SGK1: variants seen among roughly 807,000 people sequenced by gnomAD.
The protein encoded by SGK1 is serine/threonine-protein kinase Sgk1.
Under a neutral mutation model 64.2 loss-of-function variants are expected in SGK1, and 26 were observed. The ratio of observed to expected loss-of-function variants is 0.40; its 90% CI spans 0.30 to 0.56. The LOEUF (loss-of-function observed/expected upper bound fraction) is 0.56. SGK1 is among the 20% of genes least tolerant of loss of function. SGK1 has a pLI of 0.38. For missense variants in SGK1, 519 were observed against 645.6 expected, an observed-to-expected ratio of 0.80 and a Z score of 2.12; for synonymous variants, 265 against 239.7, an observed-to-expected ratio of 1.11 and a Z score of -0.98.
intron 2 of SGK1, among the ~76,000 whole-genome samples, chr6:134,235,016 A>C (rs1562260478): frequency 6.6e-6 from 1 of 152,250 alleles, no homozygotes; most frequent in Non-Finnish European, 1.5e-5. Context: ...ATTTTCTTGA[A>C]GAGAAGACCA....
chr6:134,171,839 G>T, intron 10 of SGK1, 107 bp from the exon 11 acceptor site: 1 of 725,952 alleles, frequency 1.4e-6, no homozygotes, highest in East Asian at 2.7e-5. Flanking sequence ...CAGCTTGGAA[G>T]ATAGATATCT....
intron 1 of SGK1, among the ~76,000 whole-genome samples, chr6:134,272,141 C>CTTTTT (rs369377380): frequency 1.5e-5 from 2 of 129,458 alleles, no homozygotes; most frequent in Non-Finnish European, 3.3e-5. Context: ...CGTGCCCAGC[C>CTTTTT]TTTTTTTTTT....
chr6:134,186,295 C>T (rs1187223853), intron 3 of SGK1, among the ~76,000 whole-genome samples: 1 of 152,112 alleles, frequency 6.6e-6, no homozygotes, highest in East Asian at 1.9e-4. Context: ...AGGTAAAGTC[C>T]TTGGGTGATG....
chr6:134,210,721 G>A (rs1171088805), intron 2 of SGK1, among the ~76,000 whole-genome samples: 1 of 151,086 alleles, frequency 6.6e-6, no homozygotes, highest in Non-Finnish European at 1.5e-5. Context: ...CTACTCGGGA[G>A]GCTGAGGCAA....
In SGK1 at chr6:134,191,835, ATT is replaced by A. The variant is rs71003671; in HGVS notation, c.361+15519_361+15520del. On this transcript the variant is annotated intron_variant, in intron 3 of 13. Coordinates refer to ENST00000367858, the MANE Select transcript of SGK1 (RefSeq NM_001143676.3). ...AGGCATGCGCCACCACGCCCGGCTG[ATT>A]TTTTTTTTTTTTTTTTGAGACAGAG... Among the ~76,000 whole-genome samples, 21 of 61,200 alleles carry A rather than the reference ATT, an allele frequency of 3.4e-4. 1 individual carries two copies. The East Asian group carries it at 7.8e-3, about 23-fold the overall frequency. 40.1% of individuals were successfully genotyped at this position (61,200 alleles called of 152,430 possible).
At chr6:134,208,875 T>TATAC (rs1775838028) in intron 2 of SGK1, among the ~76,000 whole-genome samples, 3 of 108,650 alleles carry the variant, frequency 2.8e-5, no homozygotes, top group African/African-American at 9.1e-5. Flanking sequence ...TATATATGCA[T>TATAC]ATACATACAT....
intron 3 of SGK1, among the ~76,000 whole-genome samples, chr6:134,194,702 T>G (rs1039761089): frequency 6.6e-6 from 1 of 152,026 alleles, no homozygotes; most frequent in Non-Finnish European, 1.5e-5. Context: ...TTATACTTTT[T>G]GGTAGAGACG....
chr6:134,305,084 G>T (rs1232334928), intron 1 of SGK1, among the ~76,000 whole-genome samples: 1 of 152,124 alleles, frequency 6.6e-6, no homozygotes, highest in African/African-American at 2.4e-5. Context: ...AACCAGGCAC[G>T]GTTGCTCACA....
At chr6:134,218,981 T>G (rs533692001) in intron 2 of SGK1, among the ~76,000 whole-genome samples, 1 of 151,702 alleles carries the variant, frequency 6.6e-6, no homozygotes, top group East Asian at 2.0e-4. Context: ...GGCTGTTTTT[T>G]TGTTTTTGTT....
intron 1 of SGK1, chr6:134,297,978 T>A: frequency 1.2e-6 from 1 of 817,418 alleles, no homozygotes. Context: ...GCGGCTGTTG[T>A]CCATGGACAG....
At chr6:134,306,348 G>A (rs1465683532) in intron 1 of SGK1, among the ~76,000 whole-genome samples, 1 of 151,852 alleles carries the variant, frequency 6.6e-6, no homozygotes, top group Non-Finnish European at 1.5e-5. Flanking sequence ...GCTTGAACCC[G>A]GGAGGCGGAG....
intron 6 of SGK1, 52 bp from the exon 7 acceptor site, chr6:134,173,409 A>G (rs1350953881): frequency 6.3e-7 from 1 of 1,582,206 alleles, no homozygotes; most frequent in Non-Finnish European, 8.7e-7. Flanking sequence ...CAGGGAGAAT[A>G]CAAAAGAGGA....
intron 3 of SGK1, among the ~76,000 whole-genome samples, chr6:134,192,673 G>A (rs544020037): frequency 1.6e-3 from 233 of 150,020 alleles, no homozygotes; most frequent in African/African-American, 5.6e-3. Flanking sequence ...GGGTTCAAGC[G>A]ATTCCCCCAC....
At position 134,269,701 on chromosome 6, in the gene SGK1, C is replaced by T. The variant is rs563549943; in HGVS notation, c.70-7553G>A. 2.0e-5 allele frequency among the ~76,000 whole-genome samples: 3 copies of T among 147,186 alleles called. 1 individual carries two copies. The highest frequency in any genetic ancestry group is 4.9e-4 in the East Asian group (2 of 4,062). On this transcript the variant is annotated intron_variant, in intron 1 of 13. Transcript: ENST00000367858. Reference sequence around the variant, plus strand: ...AGAGAGAAAGTAAGAGACCTGCATGCCTATGCCTCTCCCAGAGGGTGCATG... The same window carrying T: ...AGAGAGAAAGTAAGAGACCTGCATGTCTATGCCTCTCCCAGAGGGTGCATG...
intron 2 of SGK1, among the ~76,000 whole-genome samples, chr6:134,214,258 G>C (rs1408994132): frequency 1.3e-5 from 2 of 151,302 alleles, no homozygotes; most frequent in Non-Finnish European, 2.9e-5. Flanking sequence ...ACTTTTTTTT[G>C]CCTAACCACC....
In SGK1 at chr6:134,173,629, T is replaced by C. The variant is rs551750633; in HGVS notation, c.514-63A>G. 22 of 1,125,104 alleles carry C rather than the reference T, an allele frequency of 2.0e-5. No homozygotes were observed. The East Asian group carries it at 5.0e-4, about 26-fold the overall frequency. 69.7% of individuals were successfully genotyped at this position (1,125,104 alleles called of 1,614,324 possible). ...GCTTCAAAGGAAGACATCTATAACATAAACGATGTAGAAAATGTTACATCT... is the reference window on the plus strand; with the variant it reads ...GCTTCAAAGGAAGACATCTATAACACAAACGATGTAGAAAATGTTACATCT... On this transcript the variant is annotated intron_variant, in intron 5 of 13. Transcript: ENST00000367858.
At chr6:134,273,579 C>T (rs7773813) in intron 1 of SGK1, among the ~76,000 whole-genome samples, 2 of 82,178 alleles carry the variant, frequency 2.4e-5, no homozygotes, top group Non-Finnish European at 4.2e-5. Context: ...GGCGACAGAG[C>T]GAGACTCCGT....
chr6:134,210,519 T>C (rs969376812), intron 2 of SGK1, among the ~76,000 whole-genome samples: 1 of 152,062 alleles, frequency 6.6e-6, no homozygotes, highest in Non-Finnish European at 1.5e-5. Flanking sequence ...AACATTACTA[T>C]ATTGTGCACT....
chr6:134,298,616 A>C, intron 1 of SGK1: 1 of 1,197,114 alleles, frequency 8.4e-7, no homozygotes, highest in Non-Finnish European at 1.2e-6. Flanking sequence ...TACTGGGCCC[A>C]CTCGTGTAGG....
Sources: gnomAD v4.1 joint callset for allele counts (sites outside exome capture counted in the v4.1 genomes callset) on GRCh38, gnomAD v4.1.1 for gene constraint, MANE v1.5 for transcripts, NCBI Gene and HGNC (gene_info 2026-07-23, HGNC 2026-07-21) for gene names.